SNTG1: variants seen among roughly 807,000 people sequenced by gnomAD.
SNTG1 encodes syntrophin gamma 1.
Under a neutral mutation model 74.7 loss-of-function variants are expected in SNTG1, and 39 were observed. That is an observed-to-expected ratio of 0.52 (90% CI 0.40 to 0.68). The LOEUF (loss-of-function observed/expected upper bound fraction) is 0.68. Ranked by LOEUF, SNTG1 falls within the 30% of genes least tolerant of loss-of-function variation. The pLI is 0.00. For synonymous variants in SNTG1, 254 were observed against 217.1 expected (o/e 1.17, Z -1.49); for missense variants, 685 against 609.5 (o/e 1.12, Z -1.30).
At chr8:50,347,002 C>A (rs1356911086) in intron 2 of SNTG1, among the ~76,000 whole-genome samples, 2 of 152,182 alleles carry the variant, frequency 1.3e-5, no homozygotes, top group Non-Finnish European at 2.9e-5. Flanking sequence ...GAAGCTGCAG[C>A]AAGTTATCCA....
At chr8:50,728,509 A>T (rs2095505449) in intron 17 of SNTG1, among the ~76,000 whole-genome samples, 7 of 152,130 alleles carry the variant, frequency 4.6e-5, no homozygotes, top group Admixed American at 3.9e-4. Flanking sequence ...TTTGGGGTGA[A>T]AAGAGCCCAA....
intron 1 of SNTG1, among the ~76,000 whole-genome samples, chr8:50,090,415 C>T (rs1001063824): frequency 1.3e-5 from 2 of 152,142 alleles, no homozygotes; most frequent in Non-Finnish European, 2.9e-5. Context: ...TCATGCAAGA[C>T]AGGCTTTCCC....
At chr8:50,470,276 T>C (rs2093641400) in intron 8 of SNTG1, among the ~76,000 whole-genome samples, 1 of 152,126 alleles carries the variant, frequency 6.6e-6, no homozygotes, top group Non-Finnish European at 1.5e-5. Flanking sequence ...AATGTCAATA[T>C]GAGATTATGT....
chr8:50,784,391 CTA>C (rs1294499273), intron 18 of SNTG1, among the ~76,000 whole-genome samples: 3 of 151,894 alleles, frequency 2.0e-5, no homozygotes, highest in Admixed American at 6.6e-5. Flanking sequence ...ACCCGAATAA[CTA>C]TAGTAATTTT....
chr8:50,068,116 G>T (rs972552378), intron 1 of SNTG1, among the ~76,000 whole-genome samples: 1 of 152,100 alleles, frequency 6.6e-6, no homozygotes, highest in African/African-American at 2.4e-5. Flanking sequence ...AGATGTAAAG[G>T]AACAGAACGC....
chr8:49,969,392 T>A lies in SNTG1; in HGVS notation c.-103+57161T>A, dbSNP rs964534403. ...CACATTTTAATTCATTTAATCTTTT[T>A]TTTTTTTTTTTTTTTTTTTTTTGAA... is the stretch of plus-strand genomic sequence containing the variant. On this transcript the variant is annotated intron_variant, in intron 1 of 18. Transcript: ENST00000642720. Among the ~76,000 whole-genome samples the A allele has an allele frequency of 8.2e-3, 1,004 of 122,354 alleles. 36 individuals are homozygous for A. Among genetic ancestry groups the A allele is most frequent in the African/African-American group, 0.03 (954 of 31,498 alleles). 80.3% of individuals were successfully genotyped at this position (122,354 alleles called of 152,430 possible).
chr8:50,510,829 G>A (rs1417043388), intron 9 of SNTG1, among the ~76,000 whole-genome samples: 1 of 151,986 alleles, frequency 6.6e-6, no homozygotes, highest in East Asian at 1.9e-4. Flanking sequence ...AGTCTTGCTA[G>A]CGGTCTATCA....
chr8:50,520,890 A>C (rs1465857200), intron 9 of SNTG1, among the ~76,000 whole-genome samples: 1 of 152,186 alleles, frequency 6.6e-6, no homozygotes, highest in Non-Finnish European at 1.5e-5. Flanking sequence ...TAGAACGAGA[A>C]ATACAATTTG....
intron 18 of SNTG1, among the ~76,000 whole-genome samples, chr8:50,753,163 A>C (rs894702047): frequency 1.3e-4 from 20 of 151,822 alleles, no homozygotes; most frequent in African/African-American, 4.6e-4. Flanking sequence ...TACATTTCTA[A>C]CACAGCCTCT....
At chr8:50,490,761 C>G (rs913090261) in intron 8 of SNTG1, 1 of 152,402 alleles carries the variant, frequency 6.6e-6, no homozygotes. Flanking sequence ...CTTCCTCAGC[C>G]TCTATCCACT....
chr8:50,255,007 TCTTCA>T (rs1485430243), intron 2 of SNTG1, among the ~76,000 whole-genome samples: 3 of 151,528 alleles, frequency 2.0e-5, no homozygotes, highest in East Asian at 1.9e-4. Flanking sequence ...TGGTAATTTT[TCTTCA>T]CTTCACTTCA....
chr8:50,545,491 AAT>A (rs60704745), intron 11 of SNTG1, among the ~76,000 whole-genome samples: 8,109 of 146,962 alleles, frequency 0.055, 701 homozygotes, highest in African/African-American at 0.19. Flanking sequence ...ATGTTATATA[AAT>A]ATATATATAT....
At chr8:50,307,260 A>G (rs575746493) in intron 2 of SNTG1, among the ~76,000 whole-genome samples, 22 of 152,138 alleles carry the variant, frequency 1.4e-4, no homozygotes, top group African/African-American at 5.1e-4. Flanking sequence ...GGGTCTTAGG[A>G]TATGAATATG....
chr8:49,910,972 C>T (rs1029218910), upstream of SNTG1: 1 of 152,308 alleles, frequency 6.6e-6, no homozygotes, highest in Non-Finnish European at 1.5e-5. Flanking sequence ...CTGACACTCA[C>T]AGGAGCTGCG....
chr8:50,009,129 T>A (rs997683835), intron 1 of SNTG1, among the ~76,000 whole-genome samples: 3 of 152,182 alleles, frequency 2.0e-5, no homozygotes, highest in South Asian at 4.1e-4. Flanking sequence ...TTTGCTAAAG[T>A]ACCAGATTGT....
rs113037945 is a variant in SNTG1, at chr8:50,487,956, T to C, written c.364-14822T>C. On this transcript the variant is annotated intron_variant, in intron 8 of 18. Transcript: ENST00000642720. ...TGTTTTGAATGTGATAGATATTTGA[T>C]ATATGTTTGCTGAGTTAATTTAAAC... 2.3e-3 allele frequency among the ~76,000 whole-genome samples: 356 copies of C among 152,342 alleles called. 2 individuals are homozygous for C. Among genetic ancestry groups the C allele is most frequent in the African/African-American group, 8.0e-3 (332 of 41,580 alleles).
At chr8:50,279,658 C>A (rs765579883) in intron 2 of SNTG1, among the ~76,000 whole-genome samples, 12 of 152,048 alleles carry the variant, frequency 7.9e-5, no homozygotes, top group Non-Finnish European at 1.8e-4. Context: ...GAAAATCAAA[C>A]AAGTTTATTA....
chr8:50,406,831 T>C (rs764577243), intron 4 of SNTG1, among the ~76,000 whole-genome samples: 26 of 152,092 alleles, frequency 1.7e-4, no homozygotes, highest in Non-Finnish European at 3.2e-4. Context: ...TTTCTTCTGC[T>C]CTATAACTCG....
chr8:50,758,986 A>C (rs904166376), intron 18 of SNTG1, among the ~76,000 whole-genome samples: 1 of 151,926 alleles, frequency 6.6e-6, no homozygotes, highest in African/African-American at 2.4e-5. Context: ...CTATTTCCTG[A>C]CTTTAATGAT....
Sources: allele counts gnomAD v4.1 joint callset (sites outside exome capture counted in the v4.1 genomes callset), GRCh38; gene constraint gnomAD v4.1.1; transcripts MANE v1.5; gene names NCBI Gene and HGNC (gene_info 2026-07-23, HGNC 2026-07-21).